The following CACNG5 variants were observed in gnomAD, a reference collection of about 807,000 sequenced individuals.
CACNG5 encodes voltage-dependent calcium channel gamma-5 subunit.
In CACNG5, 18 loss-of-function variants were observed where a neutral mutation model predicts 24.8. The ratio of observed to expected loss-of-function variants is 0.73; its 90% CI spans 0.50 to 1.08. The LOEUF is 1.08. Among genes scored for constraint, CACNG5 ranks in the 50% least tolerant of loss-of-function variants. The pLI is 0.00. For missense variants in CACNG5, 349 were observed against 367.9 expected (o/e 0.95, Z 0.42); for synonymous variants, 157 against 149.1 (o/e 1.05, Z -0.39).
chr17:66,871,763 G>A lies in CACNG5; in HGVS notation c.-103-5467G>A, dbSNP rs1977010123. ...TAGTCCCAGCTACTCAGGAGGCTGA[G>A]GCAGGAGAATGGCGTGCACCTGGGA... is the stretch of plus-strand genomic sequence containing the variant. On this transcript the variant is annotated intron_variant, in intron 1 of 5. Coordinates refer to ENST00000533854, the MANE Select transcript of CACNG5 (RefSeq NM_145811.3). 4.6e-5 allele frequency among the ~76,000 whole-genome samples: 7 copies of A among 152,122 alleles called. No homozygotes were observed. The South Asian group carries it at 1.4e-3, about 31-fold the overall frequency.
chr17:66,885,335 G>T lies in CACNG5; in HGVS notation c.*95G>T. On this transcript the variant is annotated 3_prime_UTR_variant, in exon 6 of 6. Coordinates refer to ENST00000533854, the MANE Select transcript of CACNG5 (RefSeq NM_145811.3). ...TGAGCCCCAGGCCTGTGGTTGACAGGCCCAGGCCACCCATGCTTAGCTGTT... is the reference window on the plus strand; with the variant it reads ...TGAGCCCCAGGCCTGTGGTTGACAGTCCCAGGCCACCCATGCTTAGCTGTT... 3 of 1,434,686 alleles carry T rather than the reference G, an allele frequency of 2.1e-6. No individual in the cohort carries two copies. The South Asian group carries it at 4.1e-5, about 20-fold the overall frequency. 88.9% of individuals were successfully genotyped at this position (1,434,686 alleles called of 1,614,324 possible).
intron 1 of CACNG5, among the ~76,000 whole-genome samples, chr17:66,858,907 GAGTCACC>G (rs1486376959): frequency 1.3e-5 from 2 of 152,128 alleles, no homozygotes; most frequent in Non-Finnish European, 2.9e-5. Context: ...CATCACTCAA[GAGTCACC>G]AGTCATCTGC....
At chr17:66,883,497 A>T (rs1977194613) in intron 4 of CACNG5, among the ~76,000 whole-genome samples, 1 of 152,262 alleles carries the variant, frequency 6.6e-6, no homozygotes. Context: ...TGAACAACTC[A>T]AAAGAGAGTA....
At chr17:66,880,988 C>T (rs907623738) in intron 4 of CACNG5, among the ~76,000 whole-genome samples, 4 of 152,198 alleles carry the variant, frequency 2.6e-5, no homozygotes, top group African/African-American at 9.6e-5. Context: ...ATCCAACTGC[C>T]CTGGCCTCCC....
chr17:66,877,674 G>T (rs531515218), intron 2 of CACNG5, 146 bp downstream of exon 2: 4 of 662,580 alleles, frequency 6.0e-6, no homozygotes, highest in African/African-American at 5.4e-5. Context: ...GGTGCTCCCT[G>T]CAGTGACTGG....
intron 1 of CACNG5, among the ~76,000 whole-genome samples, chr17:66,847,424 G>A (rs1215812958): frequency 2.0e-5 from 3 of 152,190 alleles, no homozygotes; most frequent in African/African-American, 4.8e-5. Flanking sequence ...AGAAGGCGAA[G>A]GAGGAGCAAA....
intron 1 of CACNG5, among the ~76,000 whole-genome samples, chr17:66,870,322 A>G (rs1976987607): frequency 6.6e-6 from 1 of 152,116 alleles, no homozygotes; most frequent in African/African-American, 2.4e-5. Context: ...AGTGCTGGCC[A>G]CTGGCTGGAA....
chr17:66,848,049 A>T (rs889089777), intron 1 of CACNG5, among the ~76,000 whole-genome samples: 1 of 152,180 alleles, frequency 6.6e-6, no homozygotes, highest in Non-Finnish European at 1.5e-5. Context: ...TGCTCTGTGC[A>T]TGGAAAATGT....
rs898247285 is a variant in CACNG5, at chr17:66,890,147, A to G, written c.*4907A>G. ...AGCACTCTGCCTAGGGAGTAGGTGCACAGGTGGATGGATGAGTGGATTCTG... is the reference window on the plus strand; with the variant it reads ...AGCACTCTGCCTAGGGAGTAGGTGCGCAGGTGGATGGATGAGTGGATTCTG... On this transcript the variant is annotated 3_prime_UTR_variant, in exon 6 of 6. Coordinates refer to ENST00000533854, the MANE Select transcript of CACNG5 (RefSeq NM_145811.3). 6.6e-6 allele frequency among the ~76,000 whole-genome samples: 1 copy of G among 152,220 alleles called. No homozygotes were observed. The highest frequency in any genetic ancestry group is 1.5e-5 in the Non-Finnish European group (1 of 68,038).
At position 66,889,793 on chromosome 17, in the gene CACNG5, AT is replaced by A. The variant is rs1977316182; in HGVS notation, c.*4556del. 1.3e-5 allele frequency among the ~76,000 whole-genome samples: 2 copies of A among 152,240 alleles called. No individual in the cohort carries two copies. The highest frequency in any genetic ancestry group is 2.1e-4 in the South Asian group (1 of 4,834). ...TAATTGCTTTACTCAGTGTCCACTGATTTAAATGTTAGTGTCATCCAAAACA... is the reference window on the plus strand; with the variant it reads ...TAATTGCTTTACTCAGTGTCCACTGATTAAATGTTAGTGTCATCCAAAACA... On this transcript the variant is annotated 3_prime_UTR_variant, in exon 6 of 6. Coordinates refer to ENST00000533854, the MANE Select transcript of CACNG5 (RefSeq NM_145811.3).
intron 1 of CACNG5, among the ~76,000 whole-genome samples, chr17:66,866,872 A>C (rs954819819): frequency 2.6e-5 from 4 of 152,154 alleles, no homozygotes; most frequent in Non-Finnish European, 5.9e-5. Flanking sequence ...TCTATCATTG[A>C]TGGGCATTTG....
intron 1 of CACNG5, among the ~76,000 whole-genome samples, chr17:66,872,606 C>G (rs1977024942): frequency 6.6e-6 from 1 of 152,212 alleles, no homozygotes; most frequent in Non-Finnish European, 1.5e-5. Context: ...AGCACTGGGT[C>G]AGGATCTAAA....
At chr17:66,847,135 G>A (rs994782657) in intron 1 of CACNG5, among the ~76,000 whole-genome samples, 20 of 152,152 alleles carry the variant, frequency 1.3e-4, no homozygotes, top group African/African-American at 4.8e-4. Flanking sequence ...AGAGGCTTGA[G>A]GCTTGAAGGA....
intron 3 of CACNG5, among the ~76,000 whole-genome samples, chr17:66,879,668 G>A (rs1279218762): frequency 6.6e-6 from 1 of 152,140 alleles, no homozygotes; most frequent in African/African-American, 2.4e-5. Flanking sequence ...GCAAGGTCTG[G>A]GGGTGGGTCC....
intron 1 of CACNG5, among the ~76,000 whole-genome samples, chr17:66,841,033 T>G (rs1976559951): frequency 6.6e-6 from 1 of 152,124 alleles, no homozygotes; most frequent in South Asian, 2.1e-4. Flanking sequence ...GGAAGTTGAT[T>G]TTGCCAAGGA....
intron 1 of CACNG5, among the ~76,000 whole-genome samples, chr17:66,874,503 G>A (rs555887846): frequency 1.8e-4 from 28 of 152,240 alleles, no homozygotes; most frequent in East Asian, 3.9e-4. Flanking sequence ...AGAAGGAAAC[G>A]GAGAAAACCT....
At position 66,887,019 on chromosome 17, in the gene CACNG5, G is replaced by C. The variant is rs1003497784; in HGVS notation, c.*1779G>C. 5.3e-5 allele frequency among the ~76,000 whole-genome samples: 8 copies of C among 152,104 alleles called. No homozygotes were observed. Among genetic ancestry groups the C allele is most frequent in the African/African-American group, 1.7e-4 (7 of 41,398 alleles). On this transcript the variant is annotated 3_prime_UTR_variant, in exon 6 of 6. Transcript: ENST00000533854. ...TCGGGTCCATCCCCGATTAATTGGT[G>C]GTTAATTTTCATGAAATAACCTCTT... is the stretch of plus-strand genomic sequence containing the variant.
intron 1 of CACNG5, among the ~76,000 whole-genome samples, chr17:66,856,543 G>T (rs1378921921): frequency 9.8e-6 from 1 of 101,748 alleles, no homozygotes; most frequent in Non-Finnish European, 2.0e-5. Context: ...TTGCCCCCCC[G>T]CCTTTTTTTT....
chr17:66,841,764 C>A (rs1016212110), intron 1 of CACNG5, among the ~76,000 whole-genome samples: 1 of 152,158 alleles, frequency 6.6e-6, no homozygotes, highest in Non-Finnish European at 1.5e-5. Flanking sequence ...TGTAAAAGGA[C>A]GGGGTGGGAG....
Sources: allele counts gnomAD v4.1 joint callset (sites outside exome capture counted in the v4.1 genomes callset), GRCh38; gene constraint gnomAD v4.1.1; transcripts MANE v1.5; gene names NCBI Gene and HGNC (gene_info 2026-07-23, HGNC 2026-07-21).